Variants in CHD9 observed in about 807,000 individuals in gnomAD.
CHD9 encodes the protein chromodomain helicase DNA binding protein 9, also known as ATP-dependent chromatin remodeler CHD9.
A neutral mutation model predicts 316.1 loss-of-function variants in CHD9; 77 were observed. That is an observed-to-expected ratio of 0.24 (90% CI 0.20 to 0.29). CHD9 has a LOEUF of 0.29. Ranked by LOEUF, CHD9 falls within the 10% of genes least tolerant of loss-of-function variation. The probability of loss-of-function intolerance (pLI) is 1.00; values close to 1 mark genes in which losing one functional copy is unlikely to be tolerated. For missense variants in CHD9, 2,763 were observed against 3,438.1 expected (o/e 0.80, Z 4.91); for synonymous variants, 1,129 against 1,158.3 (o/e 0.97, Z 0.51).
intron 19 of CHD9, among the ~76,000 whole-genome samples, chr16:53,261,960 CTTGT>C (rs2051177066): frequency 6.6e-6 from 1 of 152,066 alleles, no homozygotes; most frequent in Admixed American, 6.6e-5. Flanking sequence ...CAAAAAATGG[CTTGT>C]TTGCTTTTAA....
intron 22 of CHD9, among the ~76,000 whole-genome samples, chr16:53,272,074 TG>T (rs1395975892): frequency 3.3e-5 from 5 of 151,916 alleles, no homozygotes; most frequent in African/African-American, 7.2e-5. Flanking sequence ...AATTGTTAGA[TG>T]GGGGGAAAAA....
At chr16:53,277,502 A>G (rs4784300) in intron 24 of CHD9, among the ~76,000 whole-genome samples, 20,202 of 152,164 alleles carry the variant, frequency 0.13, 1,489 homozygotes, top group South Asian at 0.25. Context: ...CAAAAATCAC[A>G]TGATCATTTC....
At chr16:53,290,388 GTC>G (rs1391931730) in intron 27 of CHD9, among the ~76,000 whole-genome samples, 1 of 152,148 alleles carries the variant, frequency 6.6e-6, no homozygotes, top group African/African-American at 2.4e-5. Flanking sequence ...CCTCTACAGT[GTC>G]TCTCTGGTTT....
At chr16:53,087,633 T>C (rs1465567044) in intron 1 of CHD9, among the ~76,000 whole-genome samples, 1 of 152,198 alleles carries the variant, frequency 6.6e-6, no homozygotes, top group Non-Finnish European at 1.5e-5. Context: ...CTTAGGATTC[T>C]TTTGGTAGCA....
Position 53,227,470 on chromosome 16 carries a change from T to C in CHD9, c.2112+6T>C. On this transcript the variant is annotated splice_donor_region_variant and intron_variant, in intron 6 of 38. Coordinates refer to ENST00000447540, the MANE Select transcript of CHD9 (RefSeq NM_001308319.2). ...CTAGAACCGTAAAAAAGGAAGTAAG[T>C]ACTGGTACATTACATTTTACACTTC... The C allele has an allele frequency of 6.5e-7, 1 of 1,534,616 alleles. No individual in the cohort carries two copies. Among genetic ancestry groups the C allele is most frequent in the Non-Finnish European group, 8.8e-7 (1 of 1,131,176 alleles).
intron 1 of CHD9, among the ~76,000 whole-genome samples, chr16:53,082,200 TTTTATTTATTTATTTA>T (rs142613847): frequency 1.5e-3 from 218 of 140,978 alleles, no homozygotes; most frequent in African/African-American, 4.6e-3. Context: ...CAGGAGAACA[TTTTATTTATTTATTTA>T]TTTATTTATT....
At chr16:53,183,998 G>A (rs1001978305) in intron 2 of CHD9, among the ~76,000 whole-genome samples, 16 of 150,988 alleles carry the variant, frequency 1.1e-4, no homozygotes, top group Non-Finnish European at 1.5e-4. Context: ...ATGCTGGAGT[G>A]CAGTGGCGTG....
chr16:53,155,502 T>G (rs1251042330), intron 1 of CHD9, among the ~76,000 whole-genome samples: 1 of 152,218 alleles, frequency 6.6e-6, no homozygotes, highest in African/African-American at 2.4e-5. Context: ...ATAATTTTAC[T>G]TATATAATTT....
At chr16:53,235,808 G>A (rs966552150) in intron 11 of CHD9, among the ~76,000 whole-genome samples, 1 of 152,062 alleles carries the variant, frequency 6.6e-6, no homozygotes, top group African/African-American at 2.4e-5. Context: ...TTTTCAAAAT[G>A]CCTTATAGAA....
intron 30 of CHD9, chr16:53,299,594 G>T: frequency 2.4e-6 from 1 of 412,016 alleles, no homozygotes; most frequent in South Asian, 2.0e-5. Context: ...AGCTGGAGAT[G>T]ATTGGCTTCA....
At chr16:53,274,185 C>G (rs369218460) in intron 23 of CHD9, 28 bp from the exon 24 acceptor site, 2 of 1,366,782 alleles carry the variant, frequency 1.5e-6, no homozygotes, top group Admixed American at 1.8e-5. Context: ...TGTCTTTATG[C>G]CTTTGATTTA....
intron 36 of CHD9, among the ~76,000 whole-genome samples, chr16:53,317,116 A>G (rs1042839552): frequency 6.8e-6 from 1 of 148,082 alleles, no homozygotes; most frequent in Non-Finnish European, 1.5e-5. Flanking sequence ...GAATCTCTTG[A>G]ACCCGGGAGG....
chr16:53,207,905 G>T, intron 2 of CHD9: 1 of 285,274 alleles, frequency 3.5e-6, no homozygotes, highest in East Asian at 1.8e-4. Flanking sequence ...TTAAATTGCA[G>T]AGTCTAATGG....
Position 53,268,191 on chromosome 16 carries a change from T to G in CHD9, c.4717+65T>G, listed in dbSNP as rs552019611. 1.0e-5 allele frequency: 11 copies of G among 1,082,596 alleles called. No individual in the cohort carries two copies. The East Asian group carries it at 2.9e-4, about 28-fold the overall frequency. 67.1% of individuals were successfully genotyped at this position (1,082,596 alleles called of 1,614,324 possible). A position where few individuals can be genotyped will look rare whatever the true frequency, so the allele number is the denominator to read the frequency against. Reference sequence around the variant, plus strand: ...AGTTATATAAGTAATACTTAACATATTCTCCTATAAAATATAAAAGCATTA... The same window carrying G: ...AGTTATATAAGTAATACTTAACATAGTCTCCTATAAAATATAAAAGCATTA... On this transcript the variant is annotated intron_variant, in intron 22 of 38. Coordinates refer to ENST00000447540, the MANE Select transcript of CHD9 (RefSeq NM_001308319.2).
At chr16:53,070,862 T>C (rs1476472232) in intron 1 of CHD9, among the ~76,000 whole-genome samples, 1 of 152,156 alleles carries the variant, frequency 6.6e-6, no homozygotes, top group Non-Finnish European at 1.5e-5. Flanking sequence ...CCATATGTCT[T>C]TCTTTATGCA....
At chr16:53,252,193 T>TA (rs1252561852) in intron 17 of CHD9, among the ~76,000 whole-genome samples, 1 of 152,200 alleles carries the variant, frequency 6.6e-6, no homozygotes, top group South Asian at 2.1e-4. Context: ...GGTACTGGTA[T>TA]AAAAATAGAC....
chr16:53,060,877 C>T (rs1342045115), intron 1 of CHD9, among the ~76,000 whole-genome samples: 2 of 151,128 alleles, frequency 1.3e-5, no homozygotes, highest in African/African-American at 4.9e-5. Context: ...GCCATGATTG[C>T]ACCACCGCAC....
chr16:53,109,631 G>A (rs1487803712), intron 1 of CHD9, among the ~76,000 whole-genome samples: 6 of 147,688 alleles, frequency 4.1e-5, no homozygotes, highest in South Asian at 2.1e-4. Flanking sequence ...CACAGCGCCC[G>A]TCCTAAGATC....
intron 2 of CHD9, among the ~76,000 whole-genome samples, chr16:53,185,515 A>G (rs1474821534): frequency 1.3e-5 from 2 of 152,198 alleles, no homozygotes; most frequent in African/African-American, 2.4e-5. Context: ...TGTGATGAAA[A>G]AAAAGTAACC....
Sources: gnomAD v4.1 joint callset for allele counts (sites outside exome capture counted in the v4.1 genomes callset) on GRCh38, gnomAD v4.1.1 for gene constraint, MANE v1.5 for transcripts, NCBI Gene and HGNC (gene_info 2026-07-23, HGNC 2026-07-21) for gene names.